ADAMTS17: variants seen among roughly 807,000 people sequenced by gnomAD.
ADAMTS17 encodes A disintegrin and metalloproteinase with thrombospondin motifs 17.
In ADAMTS17, 113 loss-of-function variants were observed where a neutral mutation model predicts 141.5. The ratio of observed to expected loss-of-function variants is 0.80; its 90% CI spans 0.69 to 0.93. The LOEUF (loss-of-function observed/expected upper bound fraction) is 0.93. Among genes scored for constraint, ADAMTS17 ranks in the 40% least tolerant of loss-of-function variants. The pLI, the probability that ADAMTS17 is intolerant of heterozygous loss-of-function variation, is 0.00. For missense variants in ADAMTS17, 1,659 were observed against 1,517.9 expected (o/e 1.09, Z -1.54); for synonymous variants, 768 against 630.6 (o/e 1.22, Z -3.27).
At chr15:100,073,080 G>A (rs893116763) in intron 15 of ADAMTS17, among the ~76,000 whole-genome samples, 10 of 148,380 alleles carry the variant, frequency 6.7e-5, no homozygotes, top group East Asian at 1.9e-4. Context: ...AAAACAAACA[G>A]CCCCATCAAA....
intron 18 of ADAMTS17, among the ~76,000 whole-genome samples, chr15:100,038,799 A>AT (rs2030989459): frequency 6.6e-6 from 1 of 152,242 alleles, no homozygotes; most frequent in African/African-American, 2.4e-5. Flanking sequence ...ACATGGATGC[A>AT]TTTTATTTCA....
In ADAMTS17 at chr15:99,974,489, G is replaced by A; in HGVS notation, c.3201C>T (p.Cys1067=). Residue 1067 remains cysteine (C), a synonymous_variant, in exon 22 of 22, where the codon TGC becomes TGT. Coordinates refer to ENST00000268070, the MANE Select transcript of ADAMTS17 (RefSeq NM_139057.4). The part of the protein sequence containing the change: ...YCRVIREKNL[C]QDMRWYQRCC... ...AGCGCTGGTACCACCGCATGTCCTG[G>A]CAGAGGTTCTTTTCTCGGATGACCC... 1.2e-6 allele frequency: 2 copies of A among 1,614,238 alleles called. No individual in the cohort carries two copies. Among genetic ancestry groups the A allele is most frequent in the South Asian group, 2.2e-5 (2 of 91,086 alleles).
chr15:100,207,181 G>A (rs1428653303), intron 7 of ADAMTS17, among the ~76,000 whole-genome samples: 1 of 152,042 alleles, frequency 6.6e-6, no homozygotes, highest in Non-Finnish European at 1.5e-5. Context: ...AAAAGAAGAA[G>A]AGACACTAGA....
intron 7 of ADAMTS17, among the ~76,000 whole-genome samples, chr15:100,204,133 T>C (rs955184878): frequency 1.3e-5 from 2 of 152,216 alleles, no homozygotes; most frequent in Non-Finnish European, 2.9e-5. Flanking sequence ...GAAAACTACA[T>C]GATAGAAGCT....
chr15:100,134,991 G>A (rs2038250769), intron 10 of ADAMTS17, among the ~76,000 whole-genome samples: 1 of 152,176 alleles, frequency 6.6e-6, no homozygotes, highest in African/African-American at 2.4e-5. Flanking sequence ...AGCTCTTTGA[G>A]ACTGTGGTGT....
In ADAMTS17 at chr15:99,976,033, G is replaced by A. The variant is rs200475413; in HGVS notation, c.3127+12C>T. Reference sequence around the variant, plus strand: ...CAGCCCCCTGGGAACCGGGGCCAGTGAAGACACTCACCAAGGCGGGGGGAG... The same window carrying A: ...CAGCCCCCTGGGAACCGGGGCCAGTAAAGACACTCACCAAGGCGGGGGGAG... On this transcript the variant is annotated intron_variant, in intron 21 of 21. Transcript: ENST00000268070. The A allele has an allele frequency of 3.0e-4, 462 of 1,548,142 alleles. No individual in the cohort carries two copies. The highest frequency in any genetic ancestry group is 3.8e-4 in the Non-Finnish European group (430 of 1,144,790).
intron 7 of ADAMTS17, among the ~76,000 whole-genome samples, chr15:100,243,547 T>C (rs938804961): frequency 1.4e-4 from 21 of 152,154 alleles, no homozygotes; most frequent in Non-Finnish European, 2.2e-4. Context: ...CCTAATACTT[T>C]GGGAGGCCAA....
At chr15:100,019,673 T>C (rs1373830053) in intron 18 of ADAMTS17, among the ~76,000 whole-genome samples, 1 of 152,178 alleles carries the variant, frequency 6.6e-6, no homozygotes, top group Non-Finnish European at 1.5e-5. Flanking sequence ...TACTGCAATC[T>C]CCTGATTTAA....
Position 99,974,053 on chromosome 15 carries a change from T to G in ADAMTS17, c.*349A>C. ...GTTTCCTCCATGATATACCAAGCACTGGAAATTCAAATGTCAAAAGCGAGT... is the reference window on the plus strand; with the variant it reads ...GTTTCCTCCATGATATACCAAGCACGGGAAATTCAAATGTCAAAAGCGAGT... On this transcript the variant is annotated 3_prime_UTR_variant, in exon 22 of 22. Coordinates refer to ENST00000268070, the MANE Select transcript of ADAMTS17 (RefSeq NM_139057.4). The G allele has an allele frequency of 2.6e-6, 1 of 379,120 alleles. No individual in the cohort carries two copies. Among genetic ancestry groups the G allele is most frequent in the Non-Finnish European group, 5.0e-6 (1 of 198,230 alleles). The allele number at this position is 379,120 out of a possible 1,614,324, so 23.5% of individuals were successfully genotyped here. A position where few individuals can be genotyped will look rare whatever the true frequency, so the allele number is the denominator to read the frequency against.
intron 9 of ADAMTS17, among the ~76,000 whole-genome samples, 165 bp from the exon 10 acceptor site, chr15:100,152,927 T>C (rs1463041849): frequency 6.6e-6 from 1 of 152,252 alleles, no homozygotes; most frequent in East Asian, 1.9e-4. Flanking sequence ...GCTTTTTTGC[T>C]GTGCATTCCT....
intron 7 of ADAMTS17, among the ~76,000 whole-genome samples, chr15:100,219,297 A>G (rs781112647): frequency 1.3e-5 from 2 of 152,208 alleles, no homozygotes; most frequent in African/African-American, 2.4e-5. Flanking sequence ...AATTCTATAA[A>G]TATACTAAAA....
intron 7 of ADAMTS17, among the ~76,000 whole-genome samples, chr15:100,221,506 T>C (rs1355076996): frequency 6.6e-6 from 1 of 152,220 alleles, no homozygotes. Flanking sequence ...ATACCTATTG[T>C]TCTTTTGGAG....
chr15:100,173,447 T>A (rs1175657018), intron 8 of ADAMTS17, among the ~76,000 whole-genome samples: 1 of 152,084 alleles, frequency 6.6e-6, no homozygotes, highest in Non-Finnish European at 1.5e-5. Flanking sequence ...GGACCCCAAG[T>A]CAACCACCTG....
intron 8 of ADAMTS17, among the ~76,000 whole-genome samples, chr15:100,171,865 T>G (rs1014311904): frequency 1.7e-4 from 26 of 152,226 alleles, no homozygotes; most frequent in African/African-American, 6.3e-4. Flanking sequence ...TTTTAAAAGG[T>G]CTTAACCCCG....
At chr15:100,221,698 G>A (rs1384235298) in intron 7 of ADAMTS17, among the ~76,000 whole-genome samples, 1 of 152,158 alleles carries the variant, frequency 6.6e-6, no homozygotes, top group Non-Finnish European at 1.5e-5. Flanking sequence ...AGTTCTTCCC[G>A]AAGGCTGTTT....
intron 20 of ADAMTS17, among the ~76,000 whole-genome samples, chr15:99,982,178 A>C (rs2060494190): frequency 6.6e-6 from 1 of 152,264 alleles, no homozygotes; most frequent in Non-Finnish European, 1.5e-5. Flanking sequence ...GGAGCTCCAC[A>C]AATCCTGCTG....
At chr15:100,331,299 C>T (rs1043284661) in intron 2 of ADAMTS17, among the ~76,000 whole-genome samples, 9 of 152,108 alleles carry the variant, frequency 5.9e-5, no homozygotes, top group African/African-American at 2.2e-4. Flanking sequence ...CATCCATTTT[C>T]CATGTTGGCT....
chr15:99,996,533 A>G (rs1386867790), intron 19 of ADAMTS17, among the ~76,000 whole-genome samples: 3 of 152,244 alleles, frequency 2.0e-5, no homozygotes, highest in Non-Finnish European at 4.4e-5. Context: ...TGATCTATAA[A>G]CAAATACATG....
chr15:100,102,000 C>T (rs538006946), intron 14 of ADAMTS17, among the ~76,000 whole-genome samples: 3 of 152,330 alleles, frequency 2.0e-5, no homozygotes, highest in African/African-American at 7.2e-5. Context: ...TCTTTCTTGA[C>T]TTCATTCTTG....
Sources: gnomAD v4.1 joint callset for allele counts (sites outside exome capture counted in the v4.1 genomes callset) on GRCh38, gnomAD v4.1.1 for gene constraint, MANE v1.5 for transcripts, NCBI Gene and HGNC (gene_info 2026-07-23, HGNC 2026-07-21) for gene names.